Variants in ROBO2 observed in about 807,000 individuals in gnomAD.
ROBO2 encodes the protein roundabout homolog 2.
In ROBO2, 53 loss-of-function variants were observed where a neutral mutation model predicts 160.8. That is an observed-to-expected ratio of 0.33 (90% CI 0.26 to 0.41). The LOEUF is 0.41. ROBO2 is among the 10% of genes least tolerant of loss of function. The pLI, the probability that ROBO2 is intolerant of heterozygous loss-of-function variation, is 1.00. For synonymous variants in ROBO2, 664 were observed against 611.7 expected (o/e 1.09, Z -1.26); for missense variants, 1,577 against 1,722.4 (o/e 0.92, Z 1.49).
At chr3:77,345,842 A>G (rs186721869) in intron 2 of ROBO2, among the ~76,000 whole-genome samples, 1 of 152,136 alleles carries the variant, frequency 6.6e-6, no homozygotes. Context: ...TTTTAAACCC[A>G]TTAACAGTCA....
chr3:76,882,106 GTGTGTGTC>G (rs544628984), intron 2 of ROBO2, among the ~76,000 whole-genome samples: 7,982 of 149,528 alleles, frequency 0.053, 277 homozygotes, highest in South Asian at 0.14. Context: ...GTGTGTGTGT[GTGTGTGTC>G]TGTGTGTGTG....
intron 5 of ROBO2, among the ~76,000 whole-genome samples, chr3:77,498,112 T>A (rs11922367): frequency 1.3e-5 from 2 of 152,250 alleles, no homozygotes; most frequent in Admixed American, 6.5e-5. Context: ...TTTAAAGAAC[T>A]GTAAACAGGA....
chr3:76,671,487 C>T (rs2092261408), intron 2 of ROBO2, among the ~76,000 whole-genome samples: 1 of 152,162 alleles, frequency 6.6e-6, no homozygotes, highest in Non-Finnish European at 1.5e-5. Flanking sequence ...GCATGGCTCA[C>T]ACAATACTTC....
intron 2 of ROBO2, among the ~76,000 whole-genome samples, chr3:76,361,036 A>G (rs951381097): frequency 1.3e-5 from 2 of 152,108 alleles, no homozygotes; most frequent in Admixed American, 6.6e-5. Context: ...CAAAATCTCA[A>G]TTGATACAAC....
intron 12 of ROBO2, among the ~76,000 whole-genome samples, chr3:77,565,450 T>C (rs2093451677): frequency 6.6e-6 from 1 of 152,104 alleles, no homozygotes; most frequent in Non-Finnish European, 1.5e-5. Context: ...AGAAAAGTGG[T>C]CTTTAATGAG....
At chr3:77,034,795 G>A (rs957951039) in intron 2 of ROBO2, among the ~76,000 whole-genome samples, 5 of 151,840 alleles carry the variant, frequency 3.3e-5, no homozygotes, top group Non-Finnish European at 2.9e-5. Context: ...TAGGATTACA[G>A]CTATGTATTG....
At chr3:77,612,804 G>A (rs1365739980) in intron 21 of ROBO2, among the ~76,000 whole-genome samples, 2 of 151,956 alleles carry the variant, frequency 1.3e-5, no homozygotes, top group African/African-American at 2.4e-5. Context: ...AAATTAGCTG[G>A]GCATGGTGAT....
intron 2 of ROBO2, among the ~76,000 whole-genome samples, chr3:76,455,636 T>C (rs1159249686): frequency 2.0e-5 from 3 of 152,164 alleles, no homozygotes; most frequent in Non-Finnish European, 4.4e-5. Context: ...GTAAATGTTA[T>C]GCATTACCGT....
intron 2 of ROBO2, among the ~76,000 whole-genome samples, chr3:76,673,738 A>G (rs974044996): frequency 2.6e-5 from 4 of 152,126 alleles, no homozygotes; most frequent in Non-Finnish European, 4.4e-5. Context: ...CAAGGTGAAA[A>G]TGAAAATAGA....
intron 2 of ROBO2, among the ~76,000 whole-genome samples, chr3:77,146,237 T>C (rs1040770558): frequency 6.6e-6 from 1 of 152,146 alleles, no homozygotes; most frequent in African/African-American, 2.4e-5. Flanking sequence ...ACCTGTTTGC[T>C]TATACATGAG....
chr3:76,453,330 A>T (rs1015161817), intron 2 of ROBO2, among the ~76,000 whole-genome samples: 2 of 152,156 alleles, frequency 1.3e-5, no homozygotes, highest in Non-Finnish European at 2.9e-5. Flanking sequence ...TAAGTCTTTA[A>T]TCCATCTTGA....
At chr3:76,169,775 T>G (rs568861537) in intron 2 of ROBO2, among the ~76,000 whole-genome samples, 1 of 152,154 alleles carries the variant, frequency 6.6e-6, no homozygotes, top group South Asian at 2.1e-4. Flanking sequence ...ATAGTTTCGT[T>G]ATTGTTAAGG....
At chr3:76,989,309 A>C (rs990579075) in intron 2 of ROBO2, among the ~76,000 whole-genome samples, 2 of 152,202 alleles carry the variant, frequency 1.3e-5, no homozygotes, top group African/African-American at 4.8e-5. Flanking sequence ...AAAGCTACAT[A>C]AACTGATGAA....
At chr3:76,549,836 TTCACATA>T (rs1359397789) in intron 2 of ROBO2, among the ~76,000 whole-genome samples, 2 of 152,208 alleles carry the variant, frequency 1.3e-5, no homozygotes, top group Non-Finnish European at 1.5e-5. Context: ...TCTGGAAGCT[TTCACATA>T]TCTGAGAACT....
intron 2 of ROBO2, among the ~76,000 whole-genome samples, chr3:77,236,893 A>G (rs6772736): frequency 0.51 from 77,666 of 151,980 alleles, 20,941 homozygotes; most frequent in Non-Finnish European, 0.62. Context: ...GAGACAAGGT[A>G]TTGCTTTGTT....
intron 2 of ROBO2, among the ~76,000 whole-genome samples, chr3:77,262,758 T>C (rs2058858083): frequency 6.6e-6 from 1 of 152,144 alleles, no homozygotes; most frequent in Non-Finnish European, 1.5e-5. Flanking sequence ...GCATCATAAA[T>C]TGAAGTTGGA....
chr3:76,713,157 T>G (rs1280118059), intron 2 of ROBO2, among the ~76,000 whole-genome samples: 1 of 152,212 alleles, frequency 6.6e-6, no homozygotes, highest in Admixed American at 6.5e-5. Flanking sequence ...AGCTAACAAG[T>G]TTTGGTAAAG....
At chr3:77,015,013 G>A (rs1217781444) in intron 2 of ROBO2, among the ~76,000 whole-genome samples, 3 of 151,546 alleles carry the variant, frequency 2.0e-5, no homozygotes, top group African/African-American at 7.3e-5. Context: ...GAATCATATT[G>A]TTCCTACATC....
chr3:77,513,748 A>G (rs548864062), intron 5 of ROBO2, among the ~76,000 whole-genome samples: 3 of 151,934 alleles, frequency 2.0e-5, no homozygotes, highest in Admixed American at 6.6e-5. Flanking sequence ...GCAAAAACAC[A>G]GAGCTTCTTT....
Sources: gnomAD v4.1 joint callset for allele counts (sites outside exome capture counted in the v4.1 genomes callset) on GRCh38, gnomAD v4.1.1 for gene constraint, MANE v1.5 for transcripts, NCBI Gene and HGNC (gene_info 2026-07-23, HGNC 2026-07-21) for gene names.